Variants in ANKRD36C observed in about 807,000 individuals in gnomAD.
The protein encoded by ANKRD36C is ankyrin repeat domain-containing protein 36C.
In ANKRD36C, 61 loss-of-function variants were observed where a neutral mutation model predicts 276.4. That is an observed-to-expected ratio of 0.22 (90% CI 0.18 to 0.27). The LOEUF is 0.27. Among genes scored for constraint, ANKRD36C ranks in the 10% least tolerant of loss-of-function variants. The probability of loss-of-function intolerance (pLI) is 1.00; values close to 1 mark genes in which losing one functional copy is unlikely to be tolerated. For missense variants in ANKRD36C, 1,447 were observed against 2,032.3 expected (o/e 0.71, Z 5.54); for synonymous variants, 483 against 680.1 (o/e 0.71, Z 4.51).
At chr2:95,977,557 T>G (rs1447274604) in intron 6 of ANKRD36C, among the ~76,000 whole-genome samples, 2 of 152,110 alleles carry the variant, frequency 1.3e-5, no homozygotes, top group African/African-American at 2.4e-5. Flanking sequence ...TGATAGTAGT[T>G]CAAGCATCGA....
intron 3 of ANKRD36C, chr2:95,986,541 C>A: frequency 3.3e-6 from 2 of 599,308 alleles, no homozygotes; most frequent in South Asian, 3.2e-5. Context: ...TAATTATTTA[C>A]CATAAGTGCA....
intron 44 of ANKRD36C, among the ~76,000 whole-genome samples, chr2:95,896,963 C>A (rs1182285502): frequency 6.8e-6 from 1 of 146,948 alleles, no homozygotes; most frequent in Non-Finnish European, 1.5e-5. Flanking sequence ...CTCCTTCCAC[C>A]CTTACTGAAA....
chr2:95,862,781 G>C (rs1434404871), intron 60 of ANKRD36C, among the ~76,000 whole-genome samples: 3 of 152,080 alleles, frequency 2.0e-5, no homozygotes, highest in Non-Finnish European at 4.4e-5. Context: ...TTGGTCATGA[G>C]AGCAAAGCCC....
chr2:95,971,029 A>C (rs1678686323), intron 6 of ANKRD36C, among the ~76,000 whole-genome samples: 1 of 152,160 alleles, frequency 6.6e-6, no homozygotes, highest in African/African-American at 2.4e-5. Context: ...AAAGCAAAAA[A>C]GCACAATGGA....
intron 13 of ANKRD36C, among the ~76,000 whole-genome samples, chr2:95,955,767 T>G (rs955110591): frequency 1.3e-5 from 2 of 152,148 alleles, no homozygotes; most frequent in African/African-American, 4.8e-5. Flanking sequence ...TCTCTTTGAG[T>G]TTCAGGTTCT....
At chr2:95,858,154 G>A (rs541094968) in intron 61 of ANKRD36C, among the ~76,000 whole-genome samples, 2,746 of 146,514 alleles carry the variant, frequency 0.019, 56 homozygotes, top group Non-Finnish European at 0.021. Flanking sequence ...ACCAAGCTGC[G>A]ACCCAACCAC....
At chr2:95,983,982 C>T (rs1257829109) in intron 3 of ANKRD36C, among the ~76,000 whole-genome samples, 1 of 152,084 alleles carries the variant, frequency 6.6e-6, no homozygotes, top group Admixed American at 6.6e-5. Flanking sequence ...ATATGCATAA[C>T]CTATGCAACT....
exon 54 of ANKRD36C, chr2:95,884,200 T>C: frequency 1.2e-6 from 2 of 1,609,438 alleles, no homozygotes; most frequent in Admixed American, 1.7e-5. Flanking sequence ...CCATCCTTTA[T>C]TTCTCTGGCT....
At position 95,887,799 on chromosome 2, in the gene ANKRD36C, G is replaced by C. The variant is rs1409565528; in HGVS notation, c.3061+126C>G. The stretch of plus-strand genomic sequence containing the variant: ...CGTCACCCAAGAACTTATTAAAAAT[G>C]AAGAATGTCAGGCCTGCTGAATCAG... On this transcript the variant is annotated intron_variant, in intron 50 of 66. Transcript: ENST00000456556. 2.5e-6 allele frequency: 3 copies of C among 1,212,158 alleles called. No homozygotes were observed. The African/African-American group carries it at 4.6e-5, about 19-fold the overall frequency. 75.1% of individuals were successfully genotyped at this position (1,212,158 alleles called of 1,614,324 possible).
exon 52 of ANKRD36C, chr2:95,886,079 T>G: frequency 6.2e-7 from 1 of 1,611,400 alleles, no homozygotes; most frequent in South Asian, 1.1e-5. Context: ...CCTTTATCTC[T>G]GTGGCTATAT....
intron 44 of ANKRD36C, among the ~76,000 whole-genome samples, chr2:95,892,601 C>A (rs1210516520): frequency 9.9e-5 from 15 of 151,538 alleles, no homozygotes. Context: ...AAAGCTGCTA[C>A]AAGCATTAGA....
intron 17 of ANKRD36C, among the ~76,000 whole-genome samples, chr2:95,946,126 C>T (rs1678039735): frequency 9.2e-6 from 1 of 108,360 alleles, no homozygotes; most frequent in Non-Finnish European, 1.7e-5. Flanking sequence ...AACATTCTTA[C>T]TACAAACAGA....
exon 63 of ANKRD36C, chr2:95,855,746 A>C: frequency 6.2e-7 from 1 of 1,613,734 alleles, no homozygotes; most frequent in East Asian, 2.2e-5. Flanking sequence ...GAGAATTCAA[A>C]TTTTCCTGTA....
chr2:95,909,023 C>T (rs1268777779), intron 42 of ANKRD36C, among the ~76,000 whole-genome samples: 1 of 151,052 alleles, frequency 6.6e-6, no homozygotes, highest in Admixed American at 6.6e-5. Context: ...AACACATACA[C>T]CTGAGAATCA....
At chr2:95,860,522 G>T (rs1410670917) in intron 60 of ANKRD36C, among the ~76,000 whole-genome samples, 2 of 152,162 alleles carry the variant, frequency 1.3e-5, no homozygotes, top group African/African-American at 4.8e-5. Flanking sequence ...TCTGTTACTA[G>T]CTCTGATGGA....
In ANKRD36C at chr2:95,931,118, T is replaced by C. The variant is rs539582236; in HGVS notation, c.1736-1851A>G. On this transcript the variant is annotated intron_variant, in intron 24 of 66. Coordinates refer to ENST00000456556, the Ensembl canonical transcript of ANKRD36C. ...GACCTCCACATTAGTTTCTTCATTA[T>C]TTTCACCACCACTGTATTGTGACAT... Among the ~76,000 whole-genome samples the C allele has an allele frequency of 6.6e-5, 10 of 151,884 alleles. No individual in the cohort carries two copies. The East Asian group carries it at 1.9e-3, about 30-fold the overall frequency.
intron 6 of ANKRD36C, among the ~76,000 whole-genome samples, chr2:95,974,094 G>T (rs1269621122): frequency 2.0e-5 from 3 of 151,372 alleles, no homozygotes; most frequent in African/African-American, 4.9e-5. Flanking sequence ...GATGGTTAAA[G>T]GTGTGGTAAT....
exon 53 of ANKRD36C, chr2:95,884,341 T>G (rs1193087826): frequency 1.2e-6 from 2 of 1,610,772 alleles, no homozygotes; most frequent in Non-Finnish European, 1.7e-6. Context: ...TTTAATTACC[T>G]TCAAGGCTGG....
At position 95,958,659 on chromosome 2, in the gene ANKRD36C, G is replaced by T. The variant is rs1227007432; in HGVS notation, c.1037C>A (p.Thr346Lys). 5.2e-6 allele frequency: 8 copies of T among 1,552,478 alleles called. No homozygotes were observed. In the South Asian group the frequency reaches 7.0e-5, roughly 14 times the overall value. Residue 346 changes from threonine (T) to lysine (K), a missense_variant, in exon 12 of 67, where the codon ACA (threonine) becomes AAA (lysine). This residue lies in a region of ANKRD36C where 61 missense variants were observed against 152.2 expected (regional missense o/e 0.40). Transcript: ENST00000456556. ...CGAAACAGAATCGTTCTTGTCACTT[G>T]TATCCTGAATGGGATTTCAAACAAA...
Sources: allele counts gnomAD v4.1 joint callset (sites outside exome capture counted in the v4.1 genomes callset), GRCh38; gene constraint gnomAD v4.1.1; regional missense constraint gnomAD v4.1.1; transcripts MANE v1.5; gene names NCBI Gene and HGNC (gene_info 2026-07-23, HGNC 2026-07-21).